SELE: variants seen among roughly 807,000 people sequenced by gnomAD.
SELE encodes selectin E, also known as E-selectin.
A neutral mutation model predicts 75.8 loss-of-function variants in SELE; 52 were observed. The ratio of observed to expected loss-of-function variants is 0.69; its 90% CI spans 0.55 to 0.86. The LOEUF is 0.86. Ranked by LOEUF, SELE falls within the 40% of genes least tolerant of loss-of-function variation. The pLI is 0.00. For synonymous variants in SELE, 285 were observed against 258.7 expected, an observed-to-expected ratio of 1.10 and a Z score of -0.98; for missense variants, 754 against 732.7, an observed-to-expected ratio of 1.03 and a Z score of -0.34.
rs781218040 is a variant in SELE, at chr1:169,729,577, T to C, written c.812A>G (p.Asp271Gly). ...CATTAGTTCAAATCCTTCTTCACAG[T>C]CAAATGTACAGGTTGTGTTCCATGG... ...SFPWNTTCTF[D>G]CEEGFELMGA... Residue 271 changes from aspartate (D) to glycine (G), a missense_variant, in exon 6 of 14, where the codon GAC becomes GGC. Asp to Gly is a moderately conservative substitution (Grantham distance 94). Coordinates refer to ENST00000333360, the MANE Select transcript of SELE (RefSeq NM_000450.2). The C allele has an allele frequency of 7.6e-5, 123 of 1,614,058 alleles. No individual in the cohort carries two copies. Among genetic ancestry groups the C allele is most frequent in the Non-Finnish European group, 1.0e-4 (118 of 1,180,034 alleles).
chr1:169,733,425 C>A (rs1648968327), intron 2 of SELE, 151 bp downstream of exon 2: 1 of 749,332 alleles, frequency 1.3e-6, no homozygotes, highest in Admixed American at 2.4e-5. Flanking sequence ...AAGTAAATGA[C>A]CCCAAGCCCA....
At position 169,727,777 on chromosome 1, in the gene SELE, G is replaced by C. The variant is rs767837213; in HGVS notation, c.1430C>G (p.Ser477Cys). 2 of 1,614,164 alleles carry C rather than the reference G, an allele frequency of 1.2e-6. No homozygotes were observed. The highest frequency in any genetic ancestry group is 4.5e-5 in the East Asian group (2 of 44,884). The change falls in exon 9 of 14, where the codon TCT becomes TGT. Residue 477 changes from serine (S) to cysteine (C), a missense_variant. Ser to Cys is a moderately radical substitution (Grantham distance 112). Coordinates refer to ENST00000333360, the MANE Select transcript of SELE (RefSeq NM_000450.2). ...LHGSTQLECTSQGQWTEEVPS... is the reference protein window; with the variant it reads ...LHGSTQLECTCQGQWTEEVPS... The stretch of plus-strand genomic sequence containing the variant: ...AACCTCTTCTGTCCATTGTCCCTGA[G>C]ATGTGCACTCAAGTTGAGTTGATCC...
rs772769372 is a variant in SELE, at chr1:169,725,942, G to A, written c.1754-14C>T. The A allele has an allele frequency of 6.2e-7, 1 of 1,613,704 alleles. No individual in the cohort carries two copies. The highest frequency in any genetic ancestry group is 1.1e-5 in the South Asian group (1 of 91,050). Reference sequence around the variant, plus strand: ...CAAATTTCTTTGCTGCAAAAGAAAAGACAAACAACCATTAATTCAGACTAA... The same window carrying A: ...CAAATTTCTTTGCTGCAAAAGAAAAAACAAACAACCATTAATTCAGACTAA... On this transcript the variant is annotated splice_polypyrimidine_tract_variant and intron_variant, in intron 11 of 13. Transcript: ENST00000333360.
At position 169,733,618 on chromosome 1, in the gene SELE, C is replaced by G; in HGVS notation, c.-6G>C. The G allele has an allele frequency of 6.2e-7, 1 of 1,613,964 alleles. No individual in the cohort carries two copies. The highest frequency in any genetic ancestry group is 2.2e-5 in the East Asian group (1 of 44,870). On this transcript the variant is annotated 5_prime_UTR_variant, in exon 2 of 14. Coordinates refer to ENST00000333360, the MANE Select transcript of SELE (RefSeq NM_000450.2). ...AGAAACTGTGAAGCAATCATGACTT[C>G]AAGAGTTCTTTTCACCCAAAGGTTT...
chr1:169,731,254 A>G (rs1648904736), intron 4 of SELE, among the ~76,000 whole-genome samples: 1 of 152,232 alleles, frequency 6.6e-6, no homozygotes, highest in South Asian at 2.1e-4. Flanking sequence ...CATTTCCATT[A>G]TCACAAAAGC....
intron 7 of SELE, 124 bp from the exon 8 acceptor site, chr1:169,728,370 G>A: frequency 2.3e-6 from 2 of 862,824 alleles, no homozygotes; most frequent in South Asian, 2.0e-5. Flanking sequence ...ATAATTCCCT[G>A]GACAAATGGG....
chr1:169,733,066 C>T (rs1648956134), intron 2 of SELE, 68 bp from the exon 3 acceptor site: 1 of 1,441,426 alleles, frequency 6.9e-7, no homozygotes. Flanking sequence ...GACAACTGTG[C>T]TTTTTATTGT....
chr1:169,733,099 A>T, intron 2 of SELE, 101 bp from the exon 3 acceptor site: 1 of 1,210,256 alleles, frequency 8.3e-7, no homozygotes, highest in Non-Finnish European at 1.1e-6. Context: ...AATGTTTGTG[A>T]CATGGCCCAG....
At chr1:169,732,258 G>T (rs1296982839) in intron 3 of SELE, among the ~76,000 whole-genome samples, 1 of 150,168 alleles carries the variant, frequency 6.7e-6, no homozygotes, top group African/African-American at 2.5e-5. Context: ...TATATGTAAA[G>T]AACTACATAT....
chr1:169,727,999 T>C, intron 8 of SELE, 59 bp downstream of exon 8: 2 of 1,585,962 alleles, frequency 1.3e-6, no homozygotes, highest in Non-Finnish European at 1.7e-6. Context: ...GGTAACCAAG[T>C]TCCCAAGCTC....
Position 169,725,804 on chromosome 1 carries a change from G to A in SELE, c.1776-3C>T. On this transcript the variant is annotated splice_polypyrimidine_tract_variant and splice_region_variant and intron_variant, in intron 12 of 13. Coordinates refer to ENST00000333360, the MANE Select transcript of SELE (RefSeq NM_000450.2). The stretch of plus-strand genomic sequence containing the variant: ...CTGATTCAAGGCTTTGGCAGCTGCT[G>A]TGGAATACATGAGAACACTAGGTAA... 1 of 1,614,032 alleles carries A rather than the reference G, an allele frequency of 6.2e-7. No individual in the cohort carries two copies. Among genetic ancestry groups the A allele is most frequent in the Non-Finnish European group, 8.5e-7 (1 of 1,179,952 alleles).
chr1:169,731,903 C>A lies in SELE; in HGVS notation c.461G>T (p.Cys154Phe). 1 of 1,613,898 alleles carries A rather than the reference C, an allele frequency of 6.2e-7. No individual in the cohort carries two copies. Among genetic ancestry groups the A allele is most frequent in the Non-Finnish European group, 8.5e-7 (1 of 1,179,796 alleles). The change falls in exon 4 of 14, where the codon TGT (cysteine) becomes TTT (phenylalanine). Residue 154 changes from cysteine (C) to phenylalanine (F), a missense_variant. By Grantham distance (205) the Cys-to-Phe change is radical. Transcript: ENST00000333360. The stretch of plus-strand genomic sequence containing the variant: ...AGTGTAATTATTGATGGTCTCTACA[C>A]ATTCACCGTGGCCACTGCAGGATGT... ...TNTSCSGHGE[C>F]VETINNYTCK...
chr1:169,733,572 T>A lies in SELE; in HGVS notation c.37+4A>T. 2 of 1,613,776 alleles carry A rather than the reference T, an allele frequency of 1.2e-6. No individual in the cohort carries two copies. Among genetic ancestry groups the A allele is most frequent in the Non-Finnish European group, 1.7e-6 (2 of 1,179,666 alleles). ...GAAATCTTGGTCTAATGGCACTGAC[T>A]TACCCAAAGTGAGAGCTGAGAGAAA... is the stretch of plus-strand genomic sequence containing the variant. On this transcript the variant is annotated splice_donor_region_variant and intron_variant, in intron 2 of 13. Coordinates refer to ENST00000333360, the MANE Select transcript of SELE (RefSeq NM_000450.2).
chr1:169,731,551 A>G, intron 4 of SELE: 2 of 297,228 alleles, frequency 6.7e-6, no homozygotes, highest in South Asian at 8.0e-5. Flanking sequence ...GCCAGGCACC[A>G]TGTAACCATG....
At position 169,725,777 on chromosome 1, in the gene SELE, A is replaced by G. The variant is rs5356; in HGVS notation, c.1800T>C (p.Asp600=). Residue 600 remains aspartate, a synonymous_variant, in exon 13 of 14, where the codon GAT becomes GAC. Transcript: ENST00000333360. ...PASSCQSLES[D]GSYQKPSYIL ...TGTAAGAAGGCTTTTGGTAGCTTCCATCTGATTCAAGGCTTTGGCAGCTGC... is the reference window on the plus strand; with the variant it reads ...TGTAAGAAGGCTTTTGGTAGCTTCCGTCTGATTCAAGGCTTTGGCAGCTGC... 173,368 of 1,613,678 alleles carry G rather than the reference A, an allele frequency of 0.11. 11,027 individuals carry two copies. Among genetic ancestry groups the G allele is most frequent in the Admixed American group, 0.27 (15,981 of 60,010 alleles).
intron 11 of SELE, 120 bp downstream of exon 11, chr1:169,726,579 T>G (rs1168699381): frequency 2.7e-6 from 2 of 742,216 alleles, no homozygotes; most frequent in Non-Finnish European, 4.7e-6. Context: ...TGCTTAATTA[T>G]ACTGCATTTT....
chr1:169,727,273 A>T, intron 10 of SELE, 76 bp downstream of exon 10: 1 of 1,472,404 alleles, frequency 6.8e-7, no homozygotes, highest in Non-Finnish European at 9.2e-7. Context: ...TATAATGAAT[A>T]GTTGATTACT....
At chr1:169,729,075 C>T (rs1367971295) in intron 7 of SELE, 111 bp downstream of exon 7, 5 of 920,616 alleles carry the variant, frequency 5.4e-6, no homozygotes, top group Non-Finnish European at 6.5e-6. Context: ...GAGGGTTGCT[C>T]ATCAAATCTG....
chr1:169,729,519 C>G lies in SELE; in HGVS notation c.870G>C (p.Gly290=). 1 of 1,614,126 alleles carries G rather than the reference C, an allele frequency of 6.2e-7. No individual in the cohort carries two copies. Among genetic ancestry groups the G allele is most frequent in the Non-Finnish European group, 8.5e-7 (1 of 1,179,994 alleles). The part of the protein sequence containing the change: ...GAQSLQCTSS[G]NWDNEKPTCK... ...ACGTTGGCTTCTCGTTGTCCCAATT[C>G]CCAGATGAGGTACACTGAAGGCTCT... Residue 290 remains glycine, a synonymous_variant, in exon 6 of 14, where the codon GGG becomes GGC. Transcript: ENST00000333360.
Sources: allele counts gnomAD v4.1 joint callset (sites outside exome capture counted in the v4.1 genomes callset), GRCh38; gene constraint gnomAD v4.1.1; transcripts MANE v1.5; gene names NCBI Gene and HGNC (gene_info 2026-07-23, HGNC 2026-07-21).